ACAD11: variants seen among roughly 807,000 people sequenced by gnomAD.
ACAD11 encodes the protein acyl-CoA dehydrogenase family member 11.
ACAD11 carries 83 observed loss-of-function variants against 102.2 expected under a neutral mutation model. That is an observed-to-expected ratio of 0.81 (90% CI 0.68 to 0.97). ACAD11 has a LOEUF of 0.97. ACAD11 is among the 50% of genes least tolerant of loss of function. ACAD11 has a pLI of 0.00. For synonymous variants in ACAD11, 324 were observed against 319.8 expected, an observed-to-expected ratio of 1.01 and a Z score of -0.14; for missense variants, 901 against 951.7, an observed-to-expected ratio of 0.95 and a Z score of 0.70.
intron 17 of ACAD11, 68 bp downstream of exon 17, chr3:132,575,704 A>G: frequency 6.4e-7 from 1 of 1,574,022 alleles, no homozygotes; most frequent in African/African-American, 1.3e-5. Context: ...TCTCACAAGT[A>G]ATGTTTTTGT....
intron 1 of ACAD11, among the ~76,000 whole-genome samples, chr3:132,645,493 T>G (rs1158573254): frequency 6.6e-6 from 1 of 152,146 alleles, no homozygotes; most frequent in Non-Finnish European, 1.5e-5. Flanking sequence ...GAACAGAAAT[T>G]CTCACCTAAA....
chr3:132,611,672 G>A (rs1226036766), intron 11 of ACAD11, among the ~76,000 whole-genome samples: 6 of 151,938 alleles, frequency 3.9e-5, no homozygotes, highest in Non-Finnish European at 8.8e-5. Flanking sequence ...TACAAGGGAT[G>A]TGAAGGACCT....
chr3:132,560,982 A>G, intron 18 of ACAD11, 119 bp downstream of exon 18: 1 of 744,842 alleles, frequency 1.3e-6, no homozygotes, highest in Non-Finnish European at 2.3e-6. Context: ...CCAAAATCAC[A>G]TGGGGGCTTC....
At chr3:132,654,248 T>A (rs2107905996) in intron 1 of ACAD11, among the ~76,000 whole-genome samples, 1 of 152,344 alleles carries the variant, frequency 6.6e-6, no homozygotes. Context: ...GGAAAATATG[T>A]TGTTAAGTGA....
At chr3:132,574,912 G>A (rs1053288818) in intron 17 of ACAD11, among the ~76,000 whole-genome samples, 2 of 152,100 alleles carry the variant, frequency 1.3e-5, no homozygotes, top group African/African-American at 4.8e-5. Context: ...TTGGCTGAAC[G>A]CAACCTCTGT....
chr3:132,625,225 A>AT (rs2107857078), intron 9 of ACAD11, among the ~76,000 whole-genome samples: 1 of 152,238 alleles, frequency 6.6e-6, no homozygotes, highest in African/African-American at 2.4e-5. Flanking sequence ...CTTCTGAGAT[A>AT]TGGCTTCTAT....
chr3:132,578,563 TTATATTC>T (rs1333362462), intron 15 of ACAD11: 1 of 171,312 alleles, frequency 5.8e-6, no homozygotes, highest in Admixed American at 6.3e-5. Flanking sequence ...AAGGCAGAAT[TTATATTC>T]TATAAATTCT....
intron 9 of ACAD11, among the ~76,000 whole-genome samples, chr3:132,625,998 C>A (rs1939792392): frequency 1.3e-5 from 2 of 152,146 alleles, no homozygotes. Context: ...AACAGCCTGC[C>A]CCAACTCCCT....
In ACAD11 at chr3:132,628,428, G is replaced by T. The variant is rs1939906888; in HGVS notation, c.982C>A (p.Leu328Ile). ...TCCTCAGATGAATTATTTCCCAGAA[G>T]ATATCTGCTATATACTCCCTATAAA... The part of the protein sequence containing the change: ...GIAQGVYSRY[L>I]LGNNSSEDSF... The change falls in exon 8 of 20, where the codon CTT becomes ATT. Residue 328 changes from leucine to isoleucine, a missense_variant. Transcript: ENST00000264990. 1 of 1,609,078 alleles carries T rather than the reference G, an allele frequency of 6.2e-7. No individual in the cohort carries two copies. Among genetic ancestry groups the T allele is most frequent in the Non-Finnish European group, 8.5e-7 (1 of 1,176,884 alleles).
At chr3:132,610,704 C>CA (rs1559956557) in intron 11 of ACAD11, among the ~76,000 whole-genome samples, 1 of 152,150 alleles carries the variant, frequency 6.6e-6, no homozygotes, top group African/African-American at 2.4e-5. Context: ...AGACCAATAA[C>CA]AGGCTCTGAA....
intron 8 of ACAD11, among the ~76,000 whole-genome samples, chr3:132,627,995 T>C (rs747007834): frequency 3.7e-4 from 57 of 152,216 alleles, no homozygotes; most frequent in Non-Finnish European, 8.2e-4. Context: ...AAGAACAATA[T>C]TTCTAAATTA....
chr3:132,609,686 G>A (rs1236024740), intron 11 of ACAD11, among the ~76,000 whole-genome samples: 1 of 152,168 alleles, frequency 6.6e-6, no homozygotes, highest in East Asian at 1.9e-4. Context: ...TTTCACAGTC[G>A]AATTCTACCA....
Position 132,611,479 on chromosome 3 carries a change from C to T in ACAD11, c.1415-6274G>A, listed in dbSNP as rs571239809. On this transcript the variant is annotated intron_variant, in intron 11 of 19. Transcript: ENST00000264990. ...TGAGTATATATCTAGAAAACCCCAT[C>T]GTCTCAGCCCAAAATCTCCTTAAGC... Among the ~76,000 whole-genome samples the T allele has an allele frequency of 2.0e-3, 306 of 152,198 alleles. 2 individuals carry two copies. The highest frequency in any genetic ancestry group is 7.1e-3 in the African/African-American group (293 of 41,536).
chr3:132,597,604 T>C (rs916387751), intron 13 of ACAD11, among the ~76,000 whole-genome samples: 8 of 152,138 alleles, frequency 5.3e-5, no homozygotes, highest in Non-Finnish European at 7.4e-5. Flanking sequence ...TCACTTTCTT[T>C]TACAAGTACT....
intron 4 of ACAD11, among the ~76,000 whole-genome samples, chr3:132,641,593 AG>A (rs1559973718): frequency 8.5e-6 from 1 of 117,616 alleles, no homozygotes; most frequent in Non-Finnish European, 1.8e-5. Context: ...AAGAAGAAGA[AG>A]AAGAAGAAGA....
intron 6 of ACAD11, among the ~76,000 whole-genome samples, 161 bp downstream of exon 6, chr3:132,631,177 TATC>T (rs1396127543): frequency 6.6e-6 from 1 of 151,860 alleles, no homozygotes; most frequent in Non-Finnish European, 1.5e-5. Flanking sequence ...AAAAAAGAAT[TATC>T]TTCAACAAAA....
At chr3:132,567,694 A>T (rs1937255187) in intron 17 of ACAD11, among the ~76,000 whole-genome samples, 1 of 152,218 alleles carries the variant, frequency 6.6e-6, no homozygotes, top group Non-Finnish European at 1.5e-5. Context: ...TTTAGAAGAA[A>T]TGTATATCAA....
At chr3:132,563,541 T>C (rs148340237) in intron 17 of ACAD11, among the ~76,000 whole-genome samples, 110 of 152,328 alleles carry the variant, frequency 7.2e-4, no homozygotes, top group African/African-American at 2.5e-3. Flanking sequence ...AAAACTGTTG[T>C]AAATGGTATT....
rs1553757886 is a variant in ACAD11 at position 132,575,783 on chromosome 3, ACTT to A, written c.1987_1989del (p.Lys663del). 10 of 1,613,876 alleles carry A rather than the reference ACTT, an allele frequency of 6.2e-6. No individual in the cohort carries two copies. The highest frequency in any genetic ancestry group is 4.0e-5 in the African/African-American group (3 of 74,892). ...GTAATCGTCCTCACATGTGCATACA[ACTT>A]CTTCTTGAAAGCTATCCTTTGTGTT... On this transcript the variant is annotated inframe_deletion, in exon 17 of 20. Transcript: ENST00000264990.
Sources: gnomAD v4.1 joint callset for allele counts (sites outside exome capture counted in the v4.1 genomes callset) on GRCh38, gnomAD v4.1.1 for gene constraint, MANE v1.5 for transcripts, NCBI Gene and HGNC (gene_info 2026-07-23, HGNC 2026-07-21) for gene names.